CAPN13: variants seen among roughly 807,000 people sequenced by gnomAD.
The protein encoded by CAPN13 is calpain-13.
Under a neutral mutation model 98.4 loss-of-function variants are expected in CAPN13, and 90 were observed. That is an observed-to-expected ratio of 0.92 (90% CI 0.77 to 1.09). The LOEUF is 1.09. Ranked by LOEUF, CAPN13 falls within the 50% of genes least tolerant of loss-of-function variation. CAPN13 has a pLI of 0.00. For synonymous variants in CAPN13, 330 were observed against 305.5 expected, an observed-to-expected ratio of 1.08 and a Z score of -0.84; for missense variants, 887 against 841.3, an observed-to-expected ratio of 1.05 and a Z score of -0.67.
At chr2:30,770,191 G>T (rs1041470277) in intron 5 of CAPN13, 122 bp downstream of exon 5, 1 of 1,344,308 alleles carries the variant, frequency 7.4e-7, no homozygotes, top group Non-Finnish European at 1.0e-6. Context: ...CGTGGTGATT[G>T]TTTATGGAGA....
At chr2:30,749,185 C>A (rs547615561) in intron 11 of CAPN13, among the ~76,000 whole-genome samples, 1 of 152,302 alleles carries the variant, frequency 6.6e-6, no homozygotes, top group Admixed American at 6.5e-5. Context: ...ACCTGAATAT[C>A]TGAAATGCAA....
Position 30,730,766 on chromosome 2 carries a change from G to T in CAPN13, c.2004C>A (p.Tyr668Ter). 1.3e-6 allele frequency: 1 copy of T among 780,860 alleles called. No individual in the cohort carries two copies. Among genetic ancestry groups the T allele is most frequent in the East Asian group, 2.4e-5 (1 of 41,246 alleles). The allele number at this position is 780,860 out of a possible 1,614,324, so 48.4% of individuals were successfully genotyped here. A position where few individuals can be genotyped will look rare whatever the true frequency, so the allele number is the denominator to read the frequency against. Residue 668 changes from tyrosine (Y) to a stop codon, truncating the protein, a stop_gained, in exon 22 of 23, where the codon TAC becomes TAA. Transcript: ENST00000295055. LOFTEE classifies it high-confidence loss of function. Reference sequence around the variant, plus strand: ...GTCTGCTTTCCTCTTTGCTTCAGTTGTACATGACCAGGCTCATCCACTGAA... The same window carrying T: ...GTCTGCTTTCCTCTTTGCTTCAGTTTTACATGACCAGGCTCATCCACTGAA... ...TEMEWMSLVMYN is the reference protein window; with the variant it reads ...TEMEWMSLVM
chr2:30,745,608 C>T lies in CAPN13; in HGVS notation c.1248+115G>A, dbSNP rs1279885814. 2.6e-5 allele frequency: 26 copies of T among 1,017,034 alleles called. No individual in the cohort carries two copies. In the East Asian group the frequency reaches 3.3e-4, roughly 13 times the overall value. 63.0% of individuals were successfully genotyped at this position (1,017,034 alleles called of 1,614,324 possible). A position where few individuals can be genotyped will look rare whatever the true frequency, so the allele number is the denominator to read the frequency against. On this transcript the variant is annotated intron_variant, in intron 12 of 22. Coordinates refer to ENST00000295055, the MANE Select transcript of CAPN13 (RefSeq NM_144575.3). Reference sequence around the variant, plus strand: ...GGCCTGTGTCTGATGTAAGACTTAGCGAGACTGAATTTGCAGCCACTGAAC... The same window carrying T: ...GGCCTGTGTCTGATGTAAGACTTAGTGAGACTGAATTTGCAGCCACTGAAC...
At chr2:30,788,719 T>C (rs1270845047) in intron 1 of CAPN13, among the ~76,000 whole-genome samples, 1 of 152,090 alleles carries the variant, frequency 6.6e-6, no homozygotes, top group Non-Finnish European at 1.5e-5. Flanking sequence ...CCTAGAAAAA[T>C]ACATGTAAAC....
chr2:30,724,756 T>C (rs1251178955), intron 22 of CAPN13, among the ~76,000 whole-genome samples: 1 of 152,198 alleles, frequency 6.6e-6, no homozygotes, highest in Non-Finnish European at 1.5e-5. Flanking sequence ...TAGGAGAGTT[T>C]AACTTGAACT....
rs763603777 is a variant in CAPN13 at position 30,758,060 on chromosome 2, C to A, written c.852G>T (p.Gly284=). ...AGAAGCCATACCCATCACTCCAGCG[C>A]CCTCTCCATTCGGCCTCGCCCCAGC... The part of the protein sequence containing the change: ...PWGWGEAEWR[G]RWSDGSQEWE... The change falls in exon 8 of 23, where the codon GGG becomes GGT. Residue 284 remains glycine (G), a synonymous_variant. Transcript: ENST00000295055. 3 of 1,611,078 alleles carry A rather than the reference C, an allele frequency of 1.9e-6. No homozygotes were observed. Among genetic ancestry groups the A allele is most frequent in the Non-Finnish European group, 8.5e-7 (1 of 1,178,804 alleles).
At position 30,751,217 on chromosome 2, in the gene CAPN13, A is replaced by G. The variant is rs1672161548; in HGVS notation, c.1122T>C (p.Ser374=). The change falls in exon 11 of 23, where the codon TCT becomes TCC. Residue 374 remains serine, a synonymous_variant. Transcript: ENST00000295055. ...TGGTGCCTTCCATTGGCTCTTGCACAGAGAAGTTGAATTGAGCATCATTCC... is the reference window on the plus strand; with the variant it reads ...TGGTGCCTTCCATTGGCTCTTGCACGGAGAAGTTGAATTGAGCATCATTCC... ...GPRNDAQFNF[S]VQEPMEGTNV... is the part of the protein sequence containing the mutation. 6.2e-7 allele frequency: 1 copy of G among 1,613,948 alleles called. No homozygotes were observed. The highest frequency in any genetic ancestry group is 8.5e-7 in the Non-Finnish European group (1 of 1,179,844).
rs766785918 is a variant in CAPN13, at chr2:30,743,525, G to C, written c.1303C>G (p.Gln435Glu). Residue 435 changes from glutamine (Q) to glutamate (E), a missense_variant, in exon 13 of 23, where the codon CAA (glutamine) becomes GAA (glutamate). Coordinates refer to ENST00000295055, the MANE Select transcript of CAPN13 (RefSeq NM_144575.3). ...CGGCGGAATTTATTATTTGAGCTTT[G>C]GACAGTGTTTCTGAACGAGGAAAAA... ...VFFSSFRNTV[Q>E]SSNNKFRRNF... 1 of 1,613,794 alleles carries C rather than the reference G, an allele frequency of 6.2e-7. No individual in the cohort carries two copies. Among genetic ancestry groups the C allele is most frequent in the Non-Finnish European group, 8.5e-7 (1 of 1,179,856 alleles).
chr2:30,728,170 G>A (rs1558603400), intron 22 of CAPN13, among the ~76,000 whole-genome samples: 1 of 150,026 alleles, frequency 6.7e-6, no homozygotes, highest in Admixed American at 6.7e-5. Flanking sequence ...CAATTGGGGA[G>A]CAACTGCTGT....
chr2:30,763,195 C>T (rs1558319375), intron 6 of CAPN13, 39 bp from the exon 7 acceptor site: 3 of 1,562,458 alleles, frequency 1.9e-6, no homozygotes, highest in African/African-American at 1.4e-5. Flanking sequence ...TAGACATCTA[C>T]AGGTTCTTCA....
At chr2:30,784,818 G>A (rs751255804) in intron 2 of CAPN13, among the ~76,000 whole-genome samples, 2 of 152,118 alleles carry the variant, frequency 1.3e-5, no homozygotes, top group East Asian at 3.8e-4. Flanking sequence ...GCTCACAACA[G>A]TACCTTATCA....
intron 15 of CAPN13, chr2:30,741,503 G>A (rs960388502): frequency 8.7e-6 from 9 of 1,034,820 alleles, no homozygotes; most frequent in Non-Finnish European, 9.3e-6. Flanking sequence ...TTGGCAGCAA[G>A]GATGCTGTAT....
At chr2:30,771,982 C>G (rs919102491) in intron 4 of CAPN13, among the ~76,000 whole-genome samples, 1 of 152,226 alleles carries the variant, frequency 6.6e-6, no homozygotes, top group African/African-American at 2.4e-5. Context: ...GCCTGGCACA[C>G]AGTAGGACAT....
intron 11 of CAPN13, among the ~76,000 whole-genome samples, chr2:30,747,072 C>T (rs1671951453): frequency 6.6e-6 from 1 of 152,176 alleles, no homozygotes; most frequent in Non-Finnish European, 1.5e-5. Flanking sequence ...CACTCCCACC[C>T]CTGATGCTTG....
chr2:30,793,254 C>G (rs1271489648), intron 1 of CAPN13, among the ~76,000 whole-genome samples: 1 of 151,490 alleles, frequency 6.6e-6, no homozygotes, highest in African/African-American at 2.4e-5. Flanking sequence ...AGAACTAATA[C>G]TTAAATTTAG....
At chr2:30,743,298 GCA>G in intron 13 of CAPN13, 83 bp downstream of exon 13, 5 of 1,198,864 alleles carry the variant, frequency 4.2e-6, no homozygotes, top group Non-Finnish European at 6.2e-6. Context: ...CTGCACGAAT[GCA>G]CAGAGAACTG....
At chr2:30,772,052 C>T (rs1398958849) in intron 4 of CAPN13, among the ~76,000 whole-genome samples, 1 of 152,176 alleles carries the variant, frequency 6.6e-6, no homozygotes, top group Non-Finnish European at 1.5e-5. Flanking sequence ...TTAAAAATAA[C>T]TCTTCGCCCT....
chr2:30,725,916 T>G (rs559464659), intron 22 of CAPN13, among the ~76,000 whole-genome samples: 2 of 152,146 alleles, frequency 1.3e-5, no homozygotes, highest in South Asian at 4.2e-4. Flanking sequence ...CAAGATAATA[T>G]TAACTACCTG....
chr2:30,759,133 T>C (rs1672682563), intron 7 of CAPN13, among the ~76,000 whole-genome samples: 1 of 54,950 alleles, frequency 1.8e-5, no homozygotes, highest in South Asian at 4.8e-4. Context: ...GTCTCTTCCT[T>C]CCTCCCTCTT....
Sources: gnomAD v4.1 joint callset for allele counts (sites outside exome capture counted in the v4.1 genomes callset) on GRCh38, gnomAD v4.1.1 for gene constraint, MANE v1.5 for transcripts, NCBI Gene and HGNC (gene_info 2026-07-23, HGNC 2026-07-21) for gene names.